Variants in TGIF1 observed in about 807,000 individuals in gnomAD.
TGIF1 encodes TGFB induced factor homeobox 1, also known as homeobox protein TGIF1.
Under a neutral mutation model 19.3 loss-of-function variants are expected in TGIF1, and 4 were observed. The observed-to-expected ratio is 0.21, with a 90% CI of 0.10 to 0.47. TGIF1 has a LOEUF of 0.47. TGIF1 is among the 20% of genes least tolerant of loss of function. The probability of loss-of-function intolerance (pLI) is 0.98; values close to 1 mark genes in which losing one functional copy is unlikely to be tolerated. For synonymous variants in TGIF1, 122 were observed against 129.3 expected (o/e 0.94, Z 0.38); for missense variants, 275 against 341.4 (o/e 0.81, Z 1.53).
chr18:3,414,813 G>T (rs2082310493), intron 1 of TGIF1, among the ~76,000 whole-genome samples: 1 of 152,130 alleles, frequency 6.6e-6, no homozygotes, highest in Non-Finnish European at 1.5e-5. Context: ...CTGAGGCTGA[G>T]ATCAGAGGAT....
intron 2 of TGIF1, among the ~76,000 whole-genome samples, chr18:3,420,324 A>C (rs1416375815): frequency 2.6e-5 from 4 of 152,114 alleles, no homozygotes; most frequent in African/African-American, 7.2e-5. Context: ...TGGAGTTTGC[A>C]GTGAGCCAAG....
intron 2 of TGIF1, among the ~76,000 whole-genome samples, chr18:3,438,229 C>T (rs2082639183): frequency 6.6e-6 from 1 of 152,070 alleles, no homozygotes; most frequent in South Asian, 2.1e-4. Context: ...AATCTAGACC[C>T]TGCTTTTGAA....
intron 2 of TGIF1, among the ~76,000 whole-genome samples, chr18:3,428,172 G>C (rs1251095545): frequency 6.6e-6 from 1 of 152,170 alleles, no homozygotes; most frequent in African/African-American, 2.4e-5. Context: ...CTGGGGGCTG[G>C]GGGGAGGGAG....
intron 2 of TGIF1, among the ~76,000 whole-genome samples, chr18:3,437,468 T>G (rs2082628476): frequency 6.6e-6 from 1 of 152,218 alleles, no homozygotes; most frequent in African/African-American, 2.4e-5. Context: ...CTAAAATTTA[T>G]TTTGCATTTT....
chr18:3,455,662 T>G (rs540258965), intron 1 of TGIF1: 84 of 152,754 alleles, frequency 5.5e-4, no homozygotes, highest in African/African-American at 2.0e-3. Context: ...AGTGGTCGTA[T>G]TTAATAAAAG....
rs1310168692 is a variant in TGIF1 at position 3,450,635 on chromosome 18, G to A, written c.16+130G>A. 2.0e-6 allele frequency: 3 copies of A among 1,523,720 alleles called. No individual in the cohort carries two copies. The African/African-American group carries it at 4.1e-5, about 21-fold the overall frequency. 94.4% of individuals were successfully genotyped at this position (1,523,720 alleles called of 1,614,324 possible). A position where few individuals can be genotyped will look rare whatever the true frequency, so the allele number is the denominator to read the frequency against. ...GCTCTCATGCTGGAGTGGCGGCCGT[G>A]CTCTTTGTTGAGGCTGCGTCTGAAA... On this transcript the variant is annotated intron_variant, in intron 1 of 2. Coordinates refer to ENST00000343820, the MANE Select transcript of TGIF1 (RefSeq NM_003244.4).
chr18:3,445,446 C>T (rs866715412), upstream of TGIF1, among the ~76,000 whole-genome samples: 4 of 151,838 alleles, frequency 2.6e-5, no homozygotes, highest in African/African-American at 7.3e-5. Flanking sequence ...AGAAGAAGGC[C>T]GGGCGTAGTG....
intron 1 of TGIF1, chr18:3,453,826 C>G: frequency 1.0e-6 from 1 of 985,286 alleles, no homozygotes; most frequent in South Asian, 4.7e-5. Flanking sequence ...GATCCTGCCC[C>G]CACCCTCCCC....
intron 2 of TGIF1, among the ~76,000 whole-genome samples, chr18:3,434,756 A>C (rs532029289): frequency 6.6e-6 from 1 of 152,172 alleles, no homozygotes; most frequent in Non-Finnish European, 1.5e-5. Context: ...GAGCAGGCTC[A>C]GGAGGTAAAC....
At chr18:3,425,650 C>A (rs1339688376) in intron 2 of TGIF1, among the ~76,000 whole-genome samples, 3 of 152,142 alleles carry the variant, frequency 2.0e-5, no homozygotes, top group African/African-American at 7.2e-5. Context: ...TTTCCACACC[C>A]CTATGATTGC....
At chr18:3,420,374 C>T (rs1043279245) in intron 2 of TGIF1, among the ~76,000 whole-genome samples, 10 of 151,528 alleles carry the variant, frequency 6.6e-5, no homozygotes, top group African/African-American at 1.9e-4. Flanking sequence ...CAGAGTGAGA[C>T]TCCCTCTCAA....
intron 2 of TGIF1, among the ~76,000 whole-genome samples, chr18:3,428,424 A>T (rs550940979): frequency 1.7e-4 from 25 of 151,244 alleles, no homozygotes; most frequent in African/African-American, 2.2e-4. Flanking sequence ...TTTAATTAAA[A>T]TTTTTTTTTT....
At chr18:3,422,682 T>TTTTG (rs1555645918) in intron 2 of TGIF1, among the ~76,000 whole-genome samples, 2 of 126,504 alleles carry the variant, frequency 1.6e-5, no homozygotes, top group African/African-American at 5.9e-5. Flanking sequence ...CCTTTTTTTT[T>TTTTG]TTTTTTTTTT....
chr18:3,447,870 T>A, upstream of TGIF1: 1 of 1,579,996 alleles, frequency 6.3e-7, no homozygotes, highest in Admixed American at 1.7e-5. Flanking sequence ...CCCTCCCCCC[T>A]TCTCCTGGAA....
intron 1 of TGIF1, chr18:3,418,060 A>G (rs1181706399): frequency 6.6e-6 from 1 of 151,864 alleles, no homozygotes; most frequent in Non-Finnish European, 1.5e-5. Context: ...CAAATTGTCT[A>G]TCGGTGAAGG....
In TGIF1 at chr18:3,450,278, T is replaced by A; in HGVS notation, c.-212T>A. 1 of 1,434,682 alleles carries A rather than the reference T, an allele frequency of 7.0e-7. No individual in the cohort carries two copies. Among genetic ancestry groups the A allele is most frequent in the Non-Finnish European group, 9.1e-7 (1 of 1,096,960 alleles). 88.9% of individuals were successfully genotyped at this position (1,434,682 alleles called of 1,614,324 possible). ...GAGCCCCCGGCCGGCTGCCAGAAGA[T>A]CCCGGCGGGAGGAAGCCCAAGTGTC... On this transcript the variant is annotated 5_prime_UTR_variant, in exon 1 of 3. Transcript: ENST00000343820.
At chr18:3,453,912 G>T (rs1228644787) in intron 1 of TGIF1, 3 of 892,878 alleles carry the variant, frequency 3.4e-6, no homozygotes, top group African/African-American at 3.6e-5. Flanking sequence ...TTTCAAAAGC[G>T]CTGTTACAAT....
intron 2 of TGIF1, among the ~76,000 whole-genome samples, chr18:3,426,900 G>T (rs1962914): frequency 0.98 from 145,055 of 148,744 alleles, 70,745 homozygotes; most frequent in East Asian, 1. Flanking sequence ...CGGTAAAAAA[G>T]TAATAAGGAT....
At chr18:3,449,569 C>G (rs1439419579), upstream of TGIF1, 1 of 984,376 alleles carries the variant, frequency 1.0e-6, no homozygotes, top group Non-Finnish European at 1.2e-6. Flanking sequence ...CGACCTCCCA[C>G]TGTCGCTGCT....
Sources: allele counts gnomAD v4.1 joint callset (sites outside exome capture counted in the v4.1 genomes callset), GRCh38; gene constraint gnomAD v4.1.1; transcripts MANE v1.5; gene names NCBI Gene and HGNC (gene_info 2026-07-23, HGNC 2026-07-21).